Variants in ARHGAP15 observed in about 807,000 individuals in gnomAD.
ARHGAP15 encodes rho GTPase-activating protein 15.
ARHGAP15 carries 51 observed loss-of-function variants against 63.7 expected under a neutral mutation model. The observed-to-expected ratio is 0.80, with a 90% CI of 0.64 to 1.01. The LOEUF is 1.01. ARHGAP15 is among the 50% of genes least tolerant of loss of function. The pLI, the probability that ARHGAP15 is intolerant of heterozygous loss-of-function variation, is 0.00. For synonymous variants in ARHGAP15, 191 were observed against 193.8 expected, an observed-to-expected ratio of 0.99 and a Z score of 0.12; for missense variants, 560 against 564.6, an observed-to-expected ratio of 0.99 and a Z score of 0.08.
At chr2:143,554,629 CAA>C (rs1039420534) in intron 10 of ARHGAP15, among the ~76,000 whole-genome samples, 1 of 151,382 alleles carries the variant, frequency 6.6e-6, no homozygotes, top group African/African-American at 2.4e-5. Context: ...CATCTAATGA[CAA>C]AGGAAAAAAA....
At chr2:143,708,956 A>G (rs1300254645) in intron 13 of ARHGAP15, among the ~76,000 whole-genome samples, 2 of 152,144 alleles carry the variant, frequency 1.3e-5, no homozygotes, top group African/African-American at 2.4e-5. Flanking sequence ...CTTATCAACT[A>G]CATATCCACC....
intron 2 of ARHGAP15, among the ~76,000 whole-genome samples, chr2:143,192,405 A>G (rs1049967745): frequency 6.6e-6 from 1 of 152,220 alleles, no homozygotes; most frequent in Admixed American, 6.5e-5. Context: ...CCTGAATTCA[A>G]TCACCCCTAA....
At chr2:143,346,182 TCACACACACA>T (rs1182995553) in intron 6 of ARHGAP15, among the ~76,000 whole-genome samples, 3 of 127,752 alleles carry the variant, frequency 2.3e-5, no homozygotes, top group East Asian at 4.7e-4. Context: ...ACTCTCTCTC[TCACACACACA>T]CTCTCTCTCT....
intron 6 of ARHGAP15, among the ~76,000 whole-genome samples, chr2:143,260,308 T>G (rs1346757959): frequency 1.3e-5 from 2 of 152,182 alleles, no homozygotes; most frequent in Non-Finnish European, 2.9e-5. Context: ...AATTAGGATA[T>G]CTCTGTAATT....
chr2:143,664,633 G>A (rs1307647285), intron 12 of ARHGAP15, among the ~76,000 whole-genome samples: 3 of 151,580 alleles, frequency 2.0e-5, no homozygotes, highest in South Asian at 2.1e-4. Flanking sequence ...CCAGGAGCTG[G>A]TTTTTTGAAA....
intron 6 of ARHGAP15, among the ~76,000 whole-genome samples, chr2:143,415,458 C>T (rs1347253894): frequency 6.6e-6 from 1 of 151,572 alleles, no homozygotes; most frequent in Non-Finnish European, 1.5e-5. Flanking sequence ...CAATAGATAA[C>T]TAAAAAAAAT....
At chr2:143,139,100 T>C (rs1689258421) in intron 1 of ARHGAP15, among the ~76,000 whole-genome samples, 1 of 152,116 alleles carries the variant, frequency 6.6e-6, no homozygotes, top group Non-Finnish European at 1.5e-5. Flanking sequence ...CCTTGGTGTC[T>C]CTGTCAAAAT....
chr2:143,271,546 T>A (rs143891742), intron 6 of ARHGAP15, among the ~76,000 whole-genome samples: 13 of 152,168 alleles, frequency 8.5e-5, no homozygotes, highest in Non-Finnish European at 1.5e-4. Flanking sequence ...CGCGATCTCG[T>A]CTCACTGCAA....
chr2:143,239,750 G>A (rs952461324), intron 5 of ARHGAP15, among the ~76,000 whole-genome samples: 5 of 151,984 alleles, frequency 3.3e-5, no homozygotes, highest in African/African-American at 4.8e-5. Flanking sequence ...CAGTACTTTG[G>A]GAGCCCAAGG....
intron 12 of ARHGAP15, among the ~76,000 whole-genome samples, chr2:143,700,867 T>A (rs958089492): frequency 7.2e-5 from 11 of 152,198 alleles, no homozygotes; most frequent in African/African-American, 2.4e-4. Context: ...TTATGATATT[T>A]CATAGGCCCC....
chr2:143,315,566 C>G (rs1298723499), intron 6 of ARHGAP15, among the ~76,000 whole-genome samples: 2 of 152,032 alleles, frequency 1.3e-5, no homozygotes, highest in Non-Finnish European at 2.9e-5. Context: ...ATAAAAACTC[C>G]CCAGGTGCTC....
intron 6 of ARHGAP15, among the ~76,000 whole-genome samples, chr2:143,351,770 T>C (rs1165265497): frequency 6.6e-6 from 1 of 152,128 alleles, no homozygotes; most frequent in Non-Finnish European, 1.5e-5. Context: ...TAATTGGCAT[T>C]TAGAAAATGA....
chr2:143,282,900 G>T (rs556234964), intron 6 of ARHGAP15, among the ~76,000 whole-genome samples: 1 of 152,090 alleles, frequency 6.6e-6, no homozygotes, highest in Non-Finnish European at 1.5e-5. Flanking sequence ...GGTCTCCCTT[G>T]GCGTTACGCT....
At chr2:143,509,746 G>A (rs1693493668) in intron 9 of ARHGAP15, among the ~76,000 whole-genome samples, 1 of 152,058 alleles carries the variant, frequency 6.6e-6, no homozygotes, top group South Asian at 2.1e-4. Context: ...GTAGAGGCTG[G>A]GCATGGTGGT....
At chr2:143,668,185 T>C (rs989088362) in intron 12 of ARHGAP15, among the ~76,000 whole-genome samples, 1 of 152,160 alleles carries the variant, frequency 6.6e-6, no homozygotes, top group African/African-American at 2.4e-5. Flanking sequence ...GAAAGTACTG[T>C]GTAGATATTC....
intron 10 of ARHGAP15, among the ~76,000 whole-genome samples, chr2:143,551,316 T>A (rs1301167764): frequency 6.6e-6 from 1 of 151,914 alleles, no homozygotes; most frequent in East Asian, 1.9e-4. Context: ...CATGCCAGGC[T>A]AATTTTTAAA....
At chr2:143,131,551 A>G (rs1688916389) in intron 1 of ARHGAP15, among the ~76,000 whole-genome samples, 1 of 152,158 alleles carries the variant, frequency 6.6e-6, no homozygotes, top group African/African-American at 2.4e-5. Flanking sequence ...CTCCTAATTT[A>G]GAGTCCCATA....
chr2:143,142,079 C>A (rs62171670), intron 1 of ARHGAP15, among the ~76,000 whole-genome samples: 2,498 of 152,140 alleles, frequency 0.016, 50 homozygotes, highest in Non-Finnish European at 0.02. Flanking sequence ...TATAGACATA[C>A]TTTTCTGTTT....
At chr2:143,676,750 A>C (rs1351640860) in intron 12 of ARHGAP15, among the ~76,000 whole-genome samples, 1 of 152,224 alleles carries the variant, frequency 6.6e-6, no homozygotes, top group African/African-American at 2.4e-5. Flanking sequence ...TAAAATAATA[A>C]TGAAAAAGTT....
Sources: allele counts gnomAD v4.1 joint callset (sites outside exome capture counted in the v4.1 genomes callset), GRCh38; gene constraint gnomAD v4.1.1; transcripts MANE v1.5; gene names NCBI Gene and HGNC (gene_info 2026-07-23, HGNC 2026-07-21).